Variants in SASH1 observed in about 807,000 individuals in gnomAD.
SASH1 encodes the protein SAM and SH3 domain-containing protein 1.
In SASH1, 44 loss-of-function variants were observed where a neutral mutation model predicts 125.2. The ratio of observed to expected loss-of-function variants is 0.35; its 90% CI spans 0.28 to 0.45. SASH1 has a LOEUF of 0.45. Ranked by LOEUF, SASH1 falls within the 20% of genes least tolerant of loss-of-function variation. SASH1 has a pLI of 1.00. For missense variants in SASH1, 1,426 were observed against 1,614.5 expected (o/e 0.88, Z 2.00); for synonymous variants, 639 against 649.1 (o/e 0.98, Z 0.24).
chr6:148,363,563 G>A lies in SASH1; in HGVS notation c.156+20340G>A, dbSNP rs181115544. 5.3e-3 allele frequency among the ~76,000 whole-genome samples: 807 copies of A among 152,066 alleles called. 3 individuals carry two copies. Among genetic ancestry groups the A allele is most frequent in the Non-Finnish European group, 7.9e-3 (540 of 68,000 alleles). On this transcript the variant is annotated intron_variant, in intron 1 of 19. Coordinates refer to ENST00000367467, the MANE Select transcript of SASH1 (RefSeq NM_015278.5). ...TTACAGGCGCCCGCCACCACACCCG[G>A]CTAATTTTCTGTATTTTTAGTAGGG... is the stretch of plus-strand genomic sequence containing the variant.
intron 1 of SASH1, among the ~76,000 whole-genome samples, chr6:148,278,317 G>A (rs1298645855): frequency 2.0e-5 from 3 of 152,112 alleles, no homozygotes; most frequent in Admixed American, 2.0e-4. Context: ...GATTACAGCC[G>A]TGAGCCACCG....
At chr6:148,285,627 A>G (rs891152065) in intron 1 of SASH1, among the ~76,000 whole-genome samples, 5 of 152,008 alleles carry the variant, frequency 3.3e-5, no homozygotes, top group African/African-American at 7.3e-5. Context: ...CATTGATCAG[A>G]TCTTTAAGAA....
intron 8 of SASH1, among the ~76,000 whole-genome samples, chr6:148,488,508 C>T (rs1235728693): frequency 2.0e-5 from 3 of 152,218 alleles, no homozygotes; most frequent in African/African-American, 7.2e-5. Flanking sequence ...ATACCTAGCA[C>T]ATACCTAGGG....
At chr6:148,523,050 A>G (rs1021955485) in intron 10 of SASH1, among the ~76,000 whole-genome samples, 2 of 152,252 alleles carry the variant, frequency 1.3e-5, no homozygotes, top group African/African-American at 2.4e-5. Context: ...TTTTCATTTT[A>G]GAAATAAATG....
chr6:148,505,634 G>T (rs946673365), intron 8 of SASH1, among the ~76,000 whole-genome samples: 7 of 141,330 alleles, frequency 5.0e-5, no homozygotes, highest in African/African-American at 1.6e-4. Flanking sequence ...TTTTGTTGTT[G>T]TTTTTTTTTT....
At chr6:148,368,601 T>A (rs1425988940) in intron 1 of SASH1, among the ~76,000 whole-genome samples, 1 of 152,160 alleles carries the variant, frequency 6.6e-6, no homozygotes, top group Non-Finnish European at 1.5e-5. Flanking sequence ...CATGTGGCAG[T>A]GGACATGGAA....
At chr6:148,323,893 G>A (rs148217689) in intron 1 of SASH1, among the ~76,000 whole-genome samples, 3,114 of 152,082 alleles carry the variant, frequency 0.02, 53 homozygotes, top group Middle Eastern at 0.051. Flanking sequence ...TTGGGAGGCC[G>A]AGGCAGGAGG....
chr6:148,354,015 T>C (rs1781835161), intron 1 of SASH1, among the ~76,000 whole-genome samples: 1 of 151,846 alleles, frequency 6.6e-6, no homozygotes, highest in South Asian at 2.1e-4. Context: ...ACAAAAAAAA[T>C]TTAAAAGAGT....
At chr6:148,298,721 G>C (rs1194297419) in intron 1 of SASH1, among the ~76,000 whole-genome samples, 4 of 96,686 alleles carry the variant, frequency 4.1e-5, no homozygotes, top group African/African-American at 4.6e-5. Context: ...AAGAAGGAAG[G>C]GAAAGGAGGG....
intron 1 of SASH1, among the ~76,000 whole-genome samples, chr6:148,373,203 A>G (rs2114754659): frequency 6.6e-6 from 1 of 152,314 alleles, no homozygotes; most frequent in South Asian, 2.1e-4. Flanking sequence ...AAAAAAAAGA[A>G]GAAATATAAG....
chr6:148,375,927 GAGTTCA>G (rs1782873042), intron 1 of SASH1, among the ~76,000 whole-genome samples: 1 of 152,184 alleles, frequency 6.6e-6, no homozygotes, highest in Non-Finnish European at 1.5e-5. Context: ...GATTGGCCTG[GAGTTCA>G]AGGAGCCATC....
the SASH1 span, among the ~76,000 whole-genome samples, chr6:148,263,606 G>A: frequency 5.9e-5 from 9 of 152,322 alleles, no homozygotes; most frequent in South Asian, 1.7e-3. Flanking sequence ...GTGCCCAGAA[G>A]CACAGCTAAG....
At chr6:148,534,304 C>A (rs546203582) in intron 15 of SASH1, among the ~76,000 whole-genome samples, 3 of 152,182 alleles carry the variant, frequency 2.0e-5, no homozygotes, top group Admixed American at 6.5e-5. Flanking sequence ...TCTGCGCCCA[C>A]CTCTCTCCCA....
the SASH1 span, among the ~76,000 whole-genome samples, chr6:148,224,254 C>T: frequency 5.3e-5 from 8 of 152,082 alleles, no homozygotes; most frequent in African/African-American, 1.9e-4. Flanking sequence ...TATGATCATG[C>T]AACTGCTCAC....
the SASH1 span, among the ~76,000 whole-genome samples, chr6:148,235,125 A>G: frequency 6.6e-6 from 1 of 152,206 alleles, no homozygotes; most frequent in Non-Finnish European, 1.5e-5. Context: ...CCCCAGGAGC[A>G]CTTGCGTCAT....
intron 10 of SASH1, chr6:148,520,102 A>C (rs1291046654): frequency 1.8e-6 from 1 of 562,218 alleles, no homozygotes; most frequent in Non-Finnish European, 3.2e-6. Context: ...CTCCGGCAGA[A>C]AGGCAAAGGG....
intron 1 of SASH1, among the ~76,000 whole-genome samples, chr6:148,325,262 T>TGTTGTTGTTGG (rs5880771): frequency 6.3e-5 from 1 of 15,792 alleles, no homozygotes; most frequent in Non-Finnish European, 1.8e-4. Context: ...AAAGCCTCTT[T>TGTTGTTGTTGG]TGTTGTTGTT....
chr6:148,484,738 C>T (rs535053316), intron 7 of SASH1, among the ~76,000 whole-genome samples: 7 of 152,070 alleles, frequency 4.6e-5, no homozygotes, highest in Non-Finnish European at 5.9e-5. Flanking sequence ...CCCAGGAGTT[C>T]GACACCAACC....
intron 1 of SASH1, among the ~76,000 whole-genome samples, chr6:148,389,111 A>G (rs1783594675): frequency 6.6e-6 from 1 of 152,226 alleles, no homozygotes; most frequent in African/African-American, 2.4e-5. Flanking sequence ...AAGGAAGACT[A>G]TAGTGTGGAA....
Sources: gnomAD v4.1 joint callset for allele counts (sites outside exome capture counted in the v4.1 genomes callset) on GRCh38, gnomAD v4.1.1 for gene constraint, MANE v1.5 for transcripts, NCBI Gene and HGNC (gene_info 2026-07-23, HGNC 2026-07-21) for gene names.